Variants in LHPP observed in about 807,000 individuals in gnomAD.
LHPP encodes the protein phospholysine phosphohistidine inorganic pyrophosphate phosphatase.
In LHPP, 24 loss-of-function variants were observed where a neutral mutation model predicts 30.3. The ratio of observed to expected loss-of-function variants is 0.79; its 90% confidence interval spans 0.57 to 1.11. LHPP has a LOEUF of 1.11. Among genes scored for constraint, LHPP ranks in the 50% most tolerant of loss-of-function variants. The pLI is 0.00. For missense variants in LHPP, 356 were observed against 367.2 expected, an observed-to-expected ratio of 0.97 and a Z score of 0.25; for synonymous variants, 150 against 157.1, an observed-to-expected ratio of 0.95 and a Z score of 0.34.
chr10:124,606,345 G>A (rs370842743), intron 6 of LHPP, among the ~76,000 whole-genome samples: 6 of 152,178 alleles, frequency 3.9e-5, no homozygotes, highest in Non-Finnish European at 5.9e-5. Context: ...TTCCGGAAGC[G>A]TCCCTGCCCC....
chr10:124,610,768 TGAGG>T, intron 6 of LHPP, among the ~76,000 whole-genome samples: 2 of 110,910 alleles, frequency 1.8e-5, no homozygotes, highest in Non-Finnish European at 3.6e-5. Context: ...AGGGTGCGGG[TGAGG>T]GTGCTGATGG....
At position 124,573,340 on chromosome 10, in the gene LHPP, A is replaced by T. The variant is rs377224010; in HGVS notation, c.717-39924A>T. Among the ~76,000 whole-genome samples, 11 of 152,224 alleles carry T rather than the reference A, an allele frequency of 7.2e-5. No homozygotes were observed. The South Asian group carries it at 2.3e-3, about 32-fold the overall frequency. ...TTATTTGGATTTTTTTCTTTTTGAG[A>T]TGGGGTCTTACTCTGTCATTCAGGC... On this transcript the variant is annotated intron_variant, in intron 6 of 6. Transcript: ENST00000368842.
intron 1 of LHPP, among the ~76,000 whole-genome samples, chr10:124,467,100 G>A (rs1415583014): frequency 6.6e-6 from 1 of 150,972 alleles, no homozygotes; most frequent in Admixed American, 6.7e-5. Flanking sequence ...CTCCAGCCTG[G>A]GTGACAGAGT....
chr10:124,593,212 C>A lies in LHPP; in HGVS notation c.717-20052C>A, dbSNP rs1221579876. 6.6e-6 allele frequency among the ~76,000 whole-genome samples: 1 copy of A among 151,910 alleles called. No individual in the cohort carries two copies. The highest frequency in any genetic ancestry group is 1.5e-5 in the Non-Finnish European group (1 of 67,964). ...GATTGCAAGTCCAGACAGAAGAGAG[C>A]GTCCTGGGAAGCCAGCTGAGAGCAC... On this transcript the variant is annotated intron_variant, in intron 6 of 6. Coordinates refer to ENST00000368842, the MANE Select transcript of LHPP (RefSeq NM_022126.4). This position sits in a 1 kb window ranked among gnomAD's most constrained non-coding sequence, Gnocchi z 4.9.
chr10:124,529,813 G>GCACACACACACA (rs3083540), intron 6 of LHPP, among the ~76,000 whole-genome samples: 3 of 147,086 alleles, frequency 2.0e-5, no homozygotes, highest in African/African-American at 7.5e-5. Context: ...ACACACACAC[G>GCACACACACACA]CACACACACA....
intron 6 of LHPP, among the ~76,000 whole-genome samples, chr10:124,545,426 C>T (rs1955310592): frequency 6.6e-6 from 1 of 152,240 alleles, no homozygotes; most frequent in East Asian, 1.9e-4. Flanking sequence ...GTGCTGGCGG[C>T]CCCTGCAGCG....
chr10:124,557,916 G>A (rs1948330137), intron 6 of LHPP, among the ~76,000 whole-genome samples: 1 of 152,168 alleles, frequency 6.6e-6, no homozygotes, highest in African/African-American at 2.4e-5. Context: ...CATGGCAGGG[G>A]TGGGGTGCGT....
intron 6 of LHPP, among the ~76,000 whole-genome samples, chr10:124,558,085 G>A (rs550118334): frequency 1.3e-5 from 2 of 152,278 alleles, no homozygotes; most frequent in African/African-American, 4.8e-5. Flanking sequence ...AGGCTGTGAG[G>A]GAGAAGCAGC....
At chr10:124,566,894 C>T (rs564023940) in intron 6 of LHPP, among the ~76,000 whole-genome samples, 1 of 152,338 alleles carries the variant, frequency 6.6e-6, no homozygotes, top group South Asian at 2.1e-4. Context: ...GTGCTGGTCG[C>T]ACATCCCTGT....
Position 124,523,075 on chromosome 10 carries a change from C to T in LHPP, c.716+5804C>T, listed in dbSNP as rs932974344. Among the ~76,000 whole-genome samples, 2 of 152,246 alleles carry T rather than the reference C, an allele frequency of 1.3e-5. No individual in the cohort carries two copies. The highest frequency in any genetic ancestry group is 2.9e-5 in the Non-Finnish European group (2 of 68,044). On this transcript the variant is annotated intron_variant, in intron 6 of 6. Coordinates refer to ENST00000368842, the MANE Select transcript of LHPP (RefSeq NM_022126.4). This position sits in a 1 kb window ranked among gnomAD's most constrained non-coding sequence, Gnocchi z 4.2. ...ACCACCCAGTCAAAGGCGCCACTGC[C>T]TGGGAAGCCCCTGCGCTAGTCCTGG...
intron 6 of LHPP, among the ~76,000 whole-genome samples, chr10:124,567,336 G>A (rs1352656389): frequency 6.6e-6 from 1 of 152,194 alleles, no homozygotes; most frequent in Non-Finnish European, 1.5e-5. Flanking sequence ...GCGAGTGCAC[G>A]CCCGGGCCGA....
At chr10:124,586,946 G>A (rs906266555) in intron 6 of LHPP, among the ~76,000 whole-genome samples, 17 of 151,270 alleles carry the variant, frequency 1.1e-4, no homozygotes, top group African/African-American at 4.1e-4. Context: ...TAACTGAGAT[G>A]AACTTGGGGG....
intron 4 of LHPP, 25 bp from the exon 5 acceptor site, chr10:124,498,011 G>GTTTGGA: frequency 1.9e-6 from 3 of 1,586,228 alleles, no homozygotes; most frequent in Non-Finnish European, 2.6e-6. Context: ...CCAAACTTAT[G>GTTTGGA]CCATGTCCCT....
intron 6 of LHPP, among the ~76,000 whole-genome samples, chr10:124,521,253 G>A (rs11593854): frequency 2.0e-4 from 31 of 152,330 alleles, no homozygotes; most frequent in Non-Finnish European, 3.4e-4. Flanking sequence ...GGAGTCAGCC[G>A]GGCACCTGCC....
At chr10:124,486,846 C>T (rs972549183) in intron 2 of LHPP, among the ~76,000 whole-genome samples, 1 of 152,178 alleles carries the variant, frequency 6.6e-6, no homozygotes, top group African/African-American at 2.4e-5. Flanking sequence ...GGCCCGAGGC[C>T]TTGAGCATAC....
At chr10:124,613,221 G>A in intron 6 of LHPP, 43 bp from the exon 7 acceptor site, 1 of 1,446,198 alleles carries the variant, frequency 6.9e-7, no homozygotes, top group Non-Finnish European at 9.7e-7. Context: ...CTGCAGAGGG[G>A]TCAGCGTGGG....
intron 6 of LHPP, among the ~76,000 whole-genome samples, chr10:124,594,467 TAA>T (rs751503223): frequency 6.6e-5 from 10 of 152,084 alleles, no homozygotes; most frequent in Non-Finnish European, 1.0e-4. Flanking sequence ...CGTGCACATA[TAA>T]GTCTTCTCTT....
At chr10:124,539,881 G>A (rs1460287406) in intron 6 of LHPP, among the ~76,000 whole-genome samples, 2 of 152,154 alleles carry the variant, frequency 1.3e-5, no homozygotes, top group Non-Finnish European at 2.9e-5. Context: ...CAGCCTGGGC[G>A]ACAGAGCGAG....
At position 124,484,134 on chromosome 10, in the gene LHPP, C is replaced by A; in HGVS notation, c.126-5C>A. ...CTTCCCGGGCCTGTGTCTCCCCTGC[C>A]GCAGACTGAAGCGTTCCCGGCTGAA... On this transcript the variant is annotated splice_polypyrimidine_tract_variant and splice_region_variant and intron_variant, in intron 1 of 6. Transcript: ENST00000368842. 1.2e-6 allele frequency: 2 copies of A among 1,613,354 alleles called. No individual in the cohort carries two copies. Among genetic ancestry groups the A allele is most frequent in the Non-Finnish European group, 1.7e-6 (2 of 1,179,802 alleles).
Sources: allele counts gnomAD v4.1 joint callset (sites outside exome capture counted in the v4.1 genomes callset), GRCh38; gene constraint gnomAD v4.1.1; non-coding constraint Gnocchi (gnomAD v3.1); transcripts MANE v1.5; gene names NCBI Gene and HGNC (gene_info 2026-07-23, HGNC 2026-07-21).